Variants in DNER observed in about 807,000 individuals in gnomAD.
The protein encoded by DNER is delta/notch like EGF repeat containing.
In DNER, 33 loss-of-function variants were observed where a neutral mutation model predicts 78.2. That is an observed-to-expected ratio of 0.42 (90% CI 0.32 to 0.56). The LOEUF (loss-of-function observed/expected upper bound fraction) is 0.56, where lower values mean the gene tolerates loss of function less well. Ranked by LOEUF, DNER falls within the 20% of genes least tolerant of loss-of-function variation. DNER has a pLI of 0.11. For synonymous variants in DNER, 417 were observed against 384.8 expected (o/e 1.08, Z -0.98); for missense variants, 918 against 975.3 (o/e 0.94, Z 0.78).
intron 11 of DNER, among the ~76,000 whole-genome samples, chr2:229,387,509 G>GAGAGAGAAAGAA (rs1286340836): frequency 3.9e-5 from 3 of 76,178 alleles, no homozygotes; most frequent in African/African-American, 9.2e-5. Flanking sequence ...GAAAGAAAGA[G>GAGAGAGAAAGAA]AGAAAGAAAG....
chr2:229,704,965 T>C (rs1699804909), intron 1 of DNER, among the ~76,000 whole-genome samples: 1 of 152,236 alleles, frequency 6.6e-6, no homozygotes, highest in Non-Finnish European at 1.5e-5. Flanking sequence ...TGACTTTTTG[T>C]CCTATTCTAA....
At chr2:229,589,831 C>T (rs1697567780) in intron 2 of DNER, among the ~76,000 whole-genome samples, 1 of 149,960 alleles carries the variant, frequency 6.7e-6, no homozygotes, top group Admixed American at 6.7e-5. Flanking sequence ...GAAATCAGAG[C>T]AAGTTCACAG....
At chr2:229,506,292 T>C (rs1695744249) in intron 6 of DNER, among the ~76,000 whole-genome samples, 1 of 151,974 alleles carries the variant, frequency 6.6e-6, no homozygotes, top group Admixed American at 6.6e-5. Flanking sequence ...AGCAAAACCA[T>C]TATAAAACCA....
In DNER at chr2:229,515,748, C is replaced by T. The variant is rs556723185; in HGVS notation, c.994-2812G>A. 2.0e-5 allele frequency among the ~76,000 whole-genome samples: 3 copies of T among 149,764 alleles called. No individual in the cohort carries two copies. The Admixed American group carries it at 2.0e-4, about 10-fold the overall frequency. On this transcript the variant is annotated intron_variant, in intron 5 of 12. Transcript: ENST00000341772. The stretch of plus-strand genomic sequence containing the variant: ...CTCTACCTCCTGGGTGCAAGCGATT[C>T]TCATGCCTCAGCCTCCCGAGTAGCT...
intron 7 of DNER, among the ~76,000 whole-genome samples, chr2:229,451,582 G>A (rs553662701): frequency 1.3e-5 from 2 of 152,362 alleles, no homozygotes; most frequent in South Asian, 2.1e-4. Context: ...ATAGTAGGAT[G>A]TAAGAACTAT....
At chr2:229,392,832 C>T (rs1380918329) in intron 10 of DNER, among the ~76,000 whole-genome samples, 1 of 152,000 alleles carries the variant, frequency 6.6e-6, no homozygotes, top group Non-Finnish European at 1.5e-5. Flanking sequence ...AAAAAAAGTC[C>T]ATTACTTTTT....
Position 229,577,129 on chromosome 2 carries a change from T to C in DNER, c.847+8729A>G, listed in dbSNP as rs146614252. Among the ~76,000 whole-genome samples the C allele has an allele frequency of 6.0e-3, 907 of 152,326 alleles. 3 individuals are homozygous for C. The highest frequency in any genetic ancestry group is 9.4e-3 in the Non-Finnish European group (640 of 68,038). On this transcript the variant is annotated intron_variant, in intron 4 of 12. Coordinates refer to ENST00000341772, the MANE Select transcript of DNER (RefSeq NM_139072.4). ...GAAGCTGGAGGAAGCTTAGTGTCTA[T>C]GCATTTAGAGGAGAATATTCCAGTT...
chr2:229,546,107 T>C (rs1248126818), intron 5 of DNER, among the ~76,000 whole-genome samples: 1 of 152,238 alleles, frequency 6.6e-6, no homozygotes, highest in African/African-American at 2.4e-5. Flanking sequence ...TTGAAAATCA[T>C]ATGGAGATTT....
chr2:229,707,706 T>C (rs552001422), intron 1 of DNER, among the ~76,000 whole-genome samples: 1 of 152,370 alleles, frequency 6.6e-6, no homozygotes, highest in South Asian at 2.1e-4. Context: ...TGCTCTAAGA[T>C]GCACATGGTG....
chr2:229,393,090 C>G (rs1016744121), intron 10 of DNER, among the ~76,000 whole-genome samples: 4 of 152,082 alleles, frequency 2.6e-5, no homozygotes, highest in Non-Finnish European at 5.9e-5. Context: ...CCCAATGGAA[C>G]TTTTAGATAT....
chr2:229,570,642 A>G (rs1282278423), intron 4 of DNER, among the ~76,000 whole-genome samples: 1 of 151,898 alleles, frequency 6.6e-6, no homozygotes, highest in Non-Finnish European at 1.5e-5. Flanking sequence ...AAAAAAATCA[A>G]GAGTGATACA....
At chr2:229,525,760 G>C (rs926260470) in intron 5 of DNER, among the ~76,000 whole-genome samples, 2 of 152,100 alleles carry the variant, frequency 1.3e-5, no homozygotes, top group African/African-American at 4.8e-5. Context: ...CTACAGGCAT[G>C]TGCCACCACG....
rs1273270535 is a variant in DNER at position 229,591,292 on chromosome 2, T to C, written c.585+288A>G. Among the ~76,000 whole-genome samples, 1 of 152,206 alleles carries C rather than the reference T, an allele frequency of 6.6e-6. No individual in the cohort carries two copies. Among genetic ancestry groups the C allele is most frequent in the Admixed American group, 6.5e-5 (1 of 15,284 alleles). On this transcript the variant is annotated intron_variant, in intron 2 of 12. Coordinates refer to ENST00000341772, the MANE Select transcript of DNER (RefSeq NM_139072.4). This position sits in a 1 kb window ranked among gnomAD's most constrained non-coding sequence, Gnocchi z 4.6. ...GATGGAGGGTCCTATGACATGTTCC[T>C]TTACATGACTACACTGAGCTGTCTT...
At chr2:229,587,539 A>G (rs1697525744) in intron 3 of DNER, among the ~76,000 whole-genome samples, 1 of 152,078 alleles carries the variant, frequency 6.6e-6, no homozygotes, top group African/African-American at 2.4e-5. Context: ...AGAGACCTAC[A>G]GTGCCCGCAG....
chr2:229,629,309 T>G (rs1220502980), intron 1 of DNER, among the ~76,000 whole-genome samples: 1 of 152,190 alleles, frequency 6.6e-6, no homozygotes, highest in Non-Finnish European at 1.5e-5. Context: ...AAGGAGGAAT[T>G]TATAGATAAT....
At chr2:229,376,542 T>C (rs1376645580) in intron 11 of DNER, among the ~76,000 whole-genome samples, 7 of 152,212 alleles carry the variant, frequency 4.6e-5, no homozygotes, top group African/African-American at 1.7e-4. Flanking sequence ...CTCAAATGTA[T>C]TATCTATCAA....
At chr2:229,468,645 A>G (rs11689674) in intron 7 of DNER, among the ~76,000 whole-genome samples, 54,055 of 152,056 alleles carry the variant, frequency 0.36, 10,297 homozygotes, top group South Asian at 0.44. Context: ...AATATCAGAG[A>G]TACTGAATTG....
At chr2:229,424,856 T>G (rs1461461250) in intron 8 of DNER, among the ~76,000 whole-genome samples, 3 of 151,942 alleles carry the variant, frequency 2.0e-5, no homozygotes, top group Non-Finnish European at 4.4e-5. Flanking sequence ...TGTAGAATGT[T>G]GAGTCGCATC....
chr2:229,606,099 G>GA (rs1437259617), intron 1 of DNER: 3 of 152,192 alleles, frequency 2.0e-5, no homozygotes, highest in African/African-American at 7.2e-5. Flanking sequence ...AGAAAAGGGG[G>GA]ATCCTCAAGT....
Sources: allele counts gnomAD v4.1 joint callset (sites outside exome capture counted in the v4.1 genomes callset), GRCh38; gene constraint gnomAD v4.1.1; non-coding constraint Gnocchi (gnomAD v3.1); transcripts MANE v1.5; gene names NCBI Gene and HGNC (gene_info 2026-07-23, HGNC 2026-07-21).